The following SVIL variants were observed in gnomAD, a reference collection of about 807,000 sequenced individuals.
SVIL encodes the protein supervillin.
A neutral mutation model predicts 240.4 loss-of-function variants in SVIL; 101 were observed. That is an observed-to-expected ratio of 0.42 (90% confidence interval 0.36 to 0.50). The LOEUF (loss-of-function observed/expected upper bound fraction) is 0.50, where lower values mean the gene tolerates loss of function less well. Ranked by LOEUF, SVIL falls within the 20% of genes least tolerant of loss-of-function variation. SVIL has a pLI of 0.01. For missense variants in SVIL, 2,512 were observed against 2,818.7 expected (o/e 0.89, Z 2.46); for synonymous variants, 999 against 1,100.0 (o/e 0.91, Z 1.82).
chr10:29,548,614 G>A lies in SVIL; in HGVS notation c.827+1983C>T, dbSNP rs185124466. 3.9e-4 allele frequency among the ~76,000 whole-genome samples: 59 copies of A among 152,174 alleles called. No individual in the cohort carries two copies. The East Asian group carries it at 0.01, about 26-fold the overall frequency. On this transcript the variant is annotated intron_variant, in intron 6 of 37. Coordinates refer to ENST00000355867, the MANE Select transcript of SVIL (RefSeq NM_021738.3). ...TTCTAATGGCTGATCTTCATAATGCGGGGTTCTCACACATACCTGTGTCCT... is the reference window on the plus strand; with the variant it reads ...TTCTAATGGCTGATCTTCATAATGCAGGGTTCTCACACATACCTGTGTCCT...
rs200774439 is a variant in SVIL, at chr10:29,648,004, GA to G, written c.-201+9964del. On this transcript the variant is annotated intron_variant, in intron 3 of 35. Coordinates refer to the SVIL transcript ENST00000375400. ...AAAAAAACAAAAAAAATCATTACCA[GA>G]AAAAAAAAAAAAAGAGAGAATGATA... is the stretch of plus-strand genomic sequence containing the variant. 6.4e-3 allele frequency among the ~76,000 whole-genome samples: 732 copies of G among 114,424 alleles called. 4 individuals carry two copies. Among genetic ancestry groups the G allele is most frequent in the African/African-American group, 0.019 (589 of 30,386 alleles). 75.1% of individuals were successfully genotyped at this position (114,424 alleles called of 152,430 possible).
chr10:29,592,768 C>A (rs1388332750), intron 1 of SVIL, among the ~76,000 whole-genome samples: 2 of 152,160 alleles, frequency 1.3e-5, no homozygotes, highest in East Asian at 3.8e-4. Flanking sequence ...ATCTGTGTGA[C>A]TAAAATTACA....
intron 6 of SVIL, among the ~76,000 whole-genome samples, chr10:29,550,302 C>G (rs544350576): frequency 6.6e-6 from 1 of 151,674 alleles, no homozygotes; most frequent in South Asian, 2.1e-4. Context: ...ATTAGCCGGG[C>G]GTGGTGGCAT....
At chr10:29,495,873 G>C (rs2132420416) in intron 18 of SVIL, among the ~76,000 whole-genome samples, 1 of 152,294 alleles carries the variant, frequency 6.6e-6, no homozygotes, top group East Asian at 1.9e-4. Flanking sequence ...TATCCAGCTG[G>C]AAGAAGAAAA....
chr10:29,655,167 A>G (rs1159949799), intron 3 of SVIL, among the ~76,000 whole-genome samples: 1 of 152,218 alleles, frequency 6.6e-6, no homozygotes, highest in Non-Finnish European at 1.5e-5. Context: ...TTTATTAGGG[A>G]GAACTGCCTC....
At chr10:29,529,881 A>C (rs1564582770) in intron 11 of SVIL, 37 bp from the exon 12 acceptor site, 1 of 1,570,554 alleles carries the variant, frequency 6.4e-7, no homozygotes, top group South Asian at 1.2e-5. Context: ...TTATAAATTC[A>C]AGGAAAGAGC....
intron 29 of SVIL, among the ~76,000 whole-genome samples, chr10:29,478,206 C>T (rs1007784858): frequency 3.9e-5 from 6 of 152,252 alleles, no homozygotes; most frequent in African/African-American, 1.4e-4. Flanking sequence ...CAGAGATTAA[C>T]ACTGTACATG....
intron 1 of SVIL, among the ~76,000 whole-genome samples, chr10:29,692,639 T>A (rs535461247): frequency 3.3e-4 from 49 of 149,494 alleles, no homozygotes; most frequent in Middle Eastern, 3.6e-3. Flanking sequence ...TTTATATGTA[T>A]ATATGATATA....
chr10:29,730,451 G>T (rs374684455), intron 1 of SVIL, among the ~76,000 whole-genome samples: 1 of 152,134 alleles, frequency 6.6e-6, no homozygotes, highest in Non-Finnish European at 1.5e-5. Context: ...GTTCTCAACC[G>T]TGGAGCCTCA....
chr10:29,646,676 A>G (rs1260440608), intron 3 of SVIL, among the ~76,000 whole-genome samples: 2 of 152,176 alleles, frequency 1.3e-5, no homozygotes, highest in African/African-American at 2.4e-5. Flanking sequence ...GTAGAGGAAG[A>G]AGTATGAATC....
intron 1 of SVIL, among the ~76,000 whole-genome samples, chr10:29,601,458 G>C (rs777775225): frequency 6.6e-6 from 1 of 152,200 alleles, no homozygotes; most frequent in Admixed American, 6.5e-5. Flanking sequence ...TTTCACCATA[G>C]CATCTAGCCA....
intron 1 of SVIL, among the ~76,000 whole-genome samples, chr10:29,702,173 T>C (rs1589543819): frequency 9.9e-5 from 3 of 30,184 alleles, no homozygotes; most frequent in East Asian, 1.7e-3. Context: ...AGACTCCATC[T>C]CCAAAAAAAA....
upstream of SVIL, chr10:29,736,750 G>A (rs1223278777): frequency 6.6e-6 from 1 of 152,340 alleles, no homozygotes; most frequent in East Asian, 1.9e-4. Context: ...GCCCGGGCCG[G>A]GGGTGCACAC....
intron 5 of SVIL, among the ~76,000 whole-genome samples, chr10:29,554,154 T>C (rs1953671068): frequency 6.6e-6 from 1 of 151,938 alleles, no homozygotes; most frequent in Non-Finnish European, 1.5e-5. Context: ...TTTTAGCAAA[T>C]CTATTTAATA....
At chr10:29,544,987 C>A (rs756861489) in intron 6 of SVIL, 1 of 534,284 alleles carries the variant, frequency 1.9e-6, no homozygotes, top group Non-Finnish European at 3.8e-6. Flanking sequence ...TTTAGAATGG[C>A]CCCCAAGATG....
rs182804555 is a variant in SVIL, at chr10:29,486,070, G to A, written c.4779+15C>T. The A allele has an allele frequency of 9.3e-4, 1,506 of 1,614,160 alleles. 13 individuals carry two copies. The African/African-American group carries it at 0.017, about 18-fold the overall frequency. On this transcript the variant is annotated intron_variant, in intron 26 of 37. Transcript: ENST00000355867. The stretch of plus-strand genomic sequence containing the variant: ...ATGTGGTTTCTCACTGAAGGGCAGA[G>A]CCCACGGACTGTACCTCTTTGGGTT...
chr10:29,533,050 T>G lies in SVIL; in HGVS notation c.1317A>C (p.Lys439Asn), dbSNP rs375468535. 19 of 1,613,972 alleles carry G rather than the reference T, an allele frequency of 1.2e-5. No individual in the cohort carries two copies. The African/African-American group carries it at 2.3e-4, about 19-fold the overall frequency. ...CTTCAGTGAAGCACACATCTTCTTCTTTTTCTTCTCCTTCTCCTTCCCCTT... is the reference window on the plus strand; with the variant it reads ...CTTCAGTGAAGCACACATCTTCTTCGTTTTCTTCTCCTTCTCCTTCCCCTT... The part of the protein sequence containing the change: ...EEEGEGEGEE[K>N]EEDVCFTEAL... Residue 439 changes from lysine to asparagine, a missense_variant, in exon 8 of 38, where the codon AAA (lysine) becomes AAC (asparagine). By Grantham distance (94) the Lys-to-Asn change is moderately conservative (BLOSUM62 0). This residue lies in a region of SVIL where 1,443 missense variants were observed against 1,486.6 expected (regional missense o/e 0.97). Transcript: ENST00000355867.
chr10:29,489,512 T>C (rs190503984), intron 22 of SVIL, among the ~76,000 whole-genome samples: 6 of 152,362 alleles, frequency 3.9e-5, no homozygotes, highest in Non-Finnish European at 7.4e-5. Flanking sequence ...ATACCACTTG[T>C]CAATTCATTA....
At chr10:29,657,442 A>T (rs1959039455) in intron 3 of SVIL, among the ~76,000 whole-genome samples, 1 of 152,226 alleles carries the variant, frequency 6.6e-6, no homozygotes. Flanking sequence ...ACTTAGGCAT[A>T]GACCCATCCT....
Sources: gnomAD v4.1 joint callset for allele counts (sites outside exome capture counted in the v4.1 genomes callset) on GRCh38, gnomAD v4.1.1 for gene constraint, gnomAD v4.1.1 regional missense constraint, MANE v1.5 for transcripts, NCBI Gene and HGNC (gene_info 2026-07-23, HGNC 2026-07-21) for gene names.